Variants in DENND1A observed in about 807,000 individuals in gnomAD.
The protein encoded by DENND1A is DENN domain containing 1A, also known as DENN domain-containing protein 1A.
A neutral mutation model predicts 113.7 loss-of-function variants in DENND1A; 51 were observed. That is an observed-to-expected ratio of 0.45 (90% CI 0.36 to 0.57). The LOEUF (loss-of-function observed/expected upper bound fraction) is 0.57. Ranked by LOEUF, DENND1A falls within the 20% of genes least tolerant of loss-of-function variation. The pLI, the probability that DENND1A is intolerant of heterozygous loss-of-function variation, is 0.00. For synonymous variants in DENND1A, 565 were observed against 570.8 expected (o/e 0.99, Z 0.14); for missense variants, 1,258 against 1,395.9 (o/e 0.90, Z 1.57).
chr9:123,895,011 A>G (rs1364274669), intron 1 of DENND1A, among the ~76,000 whole-genome samples: 1 of 151,978 alleles, frequency 6.6e-6, no homozygotes, highest in African/African-American at 2.4e-5. Flanking sequence ...GGAGAATGCT[A>G]GCAGAATCAC....
intron 1 of DENND1A, among the ~76,000 whole-genome samples, chr9:123,914,344 C>G (rs904326977): frequency 6.6e-6 from 1 of 151,734 alleles, no homozygotes; most frequent in Non-Finnish European, 1.5e-5. Context: ...CGAGACTATC[C>G]TGGCTAACAC....
chr9:123,653,963 A>G (rs1366329585), intron 8 of DENND1A, among the ~76,000 whole-genome samples: 2 of 152,078 alleles, frequency 1.3e-5, no homozygotes, highest in Non-Finnish European at 1.5e-5. Flanking sequence ...CCAGCTAGAA[A>G]GGGGAGAGCC....
chr9:123,616,975 G>A (rs781687469), intron 10 of DENND1A, among the ~76,000 whole-genome samples: 14 of 152,198 alleles, frequency 9.2e-5, no homozygotes, highest in Non-Finnish European at 1.6e-4. Flanking sequence ...GGTACACAAC[G>A]GAAGGGCCTG....
intron 2 of DENND1A, among the ~76,000 whole-genome samples, chr9:123,838,471 AAAAT>A (rs56931288): frequency 0.18 from 27,508 of 152,032 alleles, 4,355 homozygotes; most frequent in African/African-American, 0.43. Context: ...AGTTATAAGA[AAAAT>A]GATGATACTT....
intron 5 of DENND1A, among the ~76,000 whole-genome samples, chr9:123,740,117 C>T (rs2068880093): frequency 6.6e-6 from 1 of 152,068 alleles, no homozygotes; most frequent in African/African-American, 2.4e-5. Flanking sequence ...CAATCTTGCG[C>T]AACATGTTTA....
At chr9:123,527,445 C>T (rs2054933367) in intron 13 of DENND1A, among the ~76,000 whole-genome samples, 1 of 152,180 alleles carries the variant, frequency 6.6e-6, no homozygotes, top group South Asian at 2.1e-4. Flanking sequence ...TGGTCCAAGA[C>T]TGCCTTTCAG....
At chr9:123,439,994 G>A (rs570758926) in intron 19 of DENND1A, 2 of 154,868 alleles carry the variant, frequency 1.3e-5, no homozygotes, top group South Asian at 4.1e-4. Flanking sequence ...GACTTCGCTT[G>A]TTGCCTTTTA....
intron 9 of DENND1A, among the ~76,000 whole-genome samples, chr9:123,644,388 A>AC (rs1344204589): frequency 6.0e-5 from 9 of 148,810 alleles, no homozygotes; most frequent in South Asian, 2.2e-4. Flanking sequence ...CAAAAAAAAA[A>AC]AAAAAAAAAA....
At chr9:123,772,445 A>T (rs1829876643) in intron 3 of DENND1A, among the ~76,000 whole-genome samples, 1 of 152,140 alleles carries the variant, frequency 6.6e-6, no homozygotes, top group African/African-American at 2.4e-5. Flanking sequence ...GTCTTTGGCT[A>T]GGGCACTTTC....
At chr9:123,686,909 T>G (rs1589666056) in intron 5 of DENND1A, among the ~76,000 whole-genome samples, 1 of 152,206 alleles carries the variant, frequency 6.6e-6, no homozygotes, top group Admixed American at 6.5e-5. Context: ...TAAGTTCATT[T>G]CCACCCCAGA....
chr9:123,696,261 C>T (rs10818858), intron 5 of DENND1A, among the ~76,000 whole-genome samples: 25,147 of 152,118 alleles, frequency 0.17, 3,590 homozygotes, highest in African/African-American at 0.39. Flanking sequence ...TGCTATGATA[C>T]GTTAATACAG....
intron 3 of DENND1A, among the ~76,000 whole-genome samples, chr9:123,776,410 T>C (rs764778546): frequency 4.6e-5 from 7 of 152,252 alleles, no homozygotes; most frequent in African/African-American, 1.4e-4. Context: ...TACTGAGTTA[T>C]TGAAACATTC....
intron 3 of DENND1A, among the ~76,000 whole-genome samples, chr9:123,774,095 G>C (rs953059281): frequency 2.6e-5 from 4 of 152,062 alleles, no homozygotes; most frequent in African/African-American, 7.2e-5. Flanking sequence ...TCAAAATGTA[G>C]GTGTGTGATG....
In DENND1A at chr9:123,674,336, TCTCTCTCACACACACACACACACACACA is replaced by T. The variant is rs1564925866; in HGVS notation, c.372+2356_372+2383del. ...CAATCTCTCTGTCTCTGTCTCTGTC[TCTCTCTCACACACACACACACACACACA>T]CACACACACACACACACACACACAC... On this transcript the variant is annotated intron_variant, in intron 6 of 23. Coordinates refer to ENST00000394215, the MANE Select transcript of DENND1A (RefSeq NM_001352964.2). Among the ~76,000 whole-genome samples the T allele has an allele frequency of 6.7e-3, 831 of 123,152 alleles. 10 individuals are homozygous for T. The highest frequency in any genetic ancestry group is 0.025 in the African/African-American group (788 of 31,332). The allele number at this position is 123,152 out of a possible 152,430, so 80.8% of individuals were successfully genotyped here.
chr9:123,639,967 G>A (rs1057290768), intron 9 of DENND1A, among the ~76,000 whole-genome samples: 2 of 152,090 alleles, frequency 1.3e-5, no homozygotes, highest in Non-Finnish European at 2.9e-5. Flanking sequence ...AGGCTCCTGG[G>A]TGTTGAGGAA....
At chr9:123,636,536 C>T (rs186192541) in intron 9 of DENND1A, among the ~76,000 whole-genome samples, 10 of 152,126 alleles carry the variant, frequency 6.6e-5, no homozygotes, top group African/African-American at 1.7e-4. Flanking sequence ...AGGCTGGTCT[C>T]GAACTCCCGA....
intron 2 of DENND1A, among the ~76,000 whole-genome samples, chr9:123,825,571 C>A (rs1044343105): frequency 6.6e-6 from 1 of 152,252 alleles, no homozygotes; most frequent in African/African-American, 2.4e-5. Context: ...AATGACATCA[C>A]AACAGCTGCC....
At chr9:123,407,878 G>C (rs1001326270) in intron 20 of DENND1A, among the ~76,000 whole-genome samples, 1 of 152,228 alleles carries the variant, frequency 6.6e-6, no homozygotes, top group African/African-American at 2.4e-5. Flanking sequence ...AATAAATACA[G>C]AGCTTATAAA....
intron 21 of DENND1A, among the ~76,000 whole-genome samples, chr9:123,396,056 C>T (rs1262186107): frequency 1.3e-5 from 2 of 152,022 alleles, no homozygotes; most frequent in Non-Finnish European, 2.9e-5. Context: ...GATCAGGAGA[C>T]GCACAGGGGA....
Sources: gnomAD v4.1 joint callset for allele counts (sites outside exome capture counted in the v4.1 genomes callset) on GRCh38, gnomAD v4.1.1 for gene constraint, MANE v1.5 for transcripts, NCBI Gene and HGNC (gene_info 2026-07-23, HGNC 2026-07-21) for gene names.